PARD3: variants seen among roughly 807,000 people sequenced by gnomAD.
PARD3 encodes the protein par-3 family cell polarity regulator.
PARD3 carries 75 observed loss-of-function variants against 155.4 expected under a neutral mutation model. The observed-to-expected ratio is 0.48, with a 90% confidence interval of 0.40 to 0.58. The LOEUF is 0.58. Ranked by LOEUF, PARD3 falls within the 20% of genes least tolerant of loss-of-function variation. The probability of loss-of-function intolerance (pLI) is 0.00; values close to 1 mark genes in which losing one functional copy is unlikely to be tolerated. For missense variants in PARD3, 1,642 were observed against 1,721.7 expected, an observed-to-expected ratio of 0.95 and a Z score of 0.82; for synonymous variants, 576 against 610.5, an observed-to-expected ratio of 0.94 and a Z score of 0.83.
At chr10:34,229,637 A>T (rs1952810183) in intron 22 of PARD3, among the ~76,000 whole-genome samples, 1 of 148,234 alleles carries the variant, frequency 6.7e-6, no homozygotes, top group Non-Finnish European at 1.5e-5. Context: ...ACGTCCCATC[A>T]TAATTCTTCT....
intron 2 of PARD3, among the ~76,000 whole-genome samples, chr10:34,553,060 T>A (rs948181598): frequency 3.9e-5 from 6 of 152,174 alleles, no homozygotes; most frequent in Non-Finnish European, 8.8e-5. Context: ...ACTATGTGAT[T>A]GTACTTAAGG....
chr10:34,555,485 TC>T, intron 2 of PARD3, among the ~76,000 whole-genome samples: 1 of 152,262 alleles, frequency 6.6e-6, no homozygotes, highest in South Asian at 2.1e-4. Flanking sequence ...AAATTTTATA[TC>T]ATAAATAATT....
intron 2 of PARD3, among the ~76,000 whole-genome samples, chr10:34,542,639 T>C (rs145884937): frequency 1.3e-5 from 2 of 152,318 alleles, no homozygotes; most frequent in African/African-American, 4.8e-5. Context: ...AATCTGATAA[T>C]ATTTACAAAG....
intron 22 of PARD3, among the ~76,000 whole-genome samples, chr10:34,211,705 T>TGC (rs1276275463): frequency 6.6e-6 from 1 of 151,670 alleles, no homozygotes; most frequent in African/African-American, 2.4e-5. Context: ...GCTTGAACCC[T>TGC]GGAGGCGGAG....
At chr10:34,616,873 T>C (rs2091289129) in intron 2 of PARD3, among the ~76,000 whole-genome samples, 1 of 144,884 alleles carries the variant, frequency 6.9e-6, no homozygotes, top group African/African-American at 2.6e-5. Flanking sequence ...AGGTGGAGGC[T>C]GCAATGAACC....
intron 3 of PARD3, among the ~76,000 whole-genome samples, chr10:34,479,378 G>A (rs999842276): frequency 6.6e-6 from 1 of 151,852 alleles, no homozygotes; most frequent in African/African-American, 2.4e-5. Flanking sequence ...AGCCAGAATG[G>A]ACTCTATCTC....
intron 20 of PARD3, among the ~76,000 whole-genome samples, chr10:34,296,383 ACCACAC>A (rs991289081): frequency 1.3e-5 from 2 of 152,010 alleles, no homozygotes; most frequent in African/African-American, 4.8e-5. Flanking sequence ...GGCACGTACC[ACCACAC>A]CCAGTTAATT....
chr10:34,756,841 C>T (rs1253107440), intron 1 of PARD3, among the ~76,000 whole-genome samples: 1 of 152,206 alleles, frequency 6.6e-6, no homozygotes, highest in Non-Finnish European at 1.5e-5. Context: ...GGTGAACAGG[C>T]TGAAAAGACA....
intron 20 of PARD3, among the ~76,000 whole-genome samples, chr10:34,316,200 T>G (rs1178705720): frequency 2.0e-5 from 3 of 152,260 alleles, no homozygotes; most frequent in African/African-American, 7.2e-5. Flanking sequence ...CTGTATGTTT[T>G]CAATTTTAAA....
chr10:34,631,424 T>A (rs955242709), intron 2 of PARD3, among the ~76,000 whole-genome samples: 1 of 152,110 alleles, frequency 6.6e-6, no homozygotes, highest in Non-Finnish European at 1.5e-5. Context: ...GAGGGGGCAG[T>A]GATTAAGAGG....
intron 2 of PARD3, among the ~76,000 whole-genome samples, chr10:34,664,667 G>C (rs1015176683): frequency 2.6e-5 from 4 of 152,042 alleles, no homozygotes; most frequent in Admixed American, 1.3e-4. Context: ...TGTATTTTTA[G>C]TAGAGACAGG....
chr10:34,282,302 A>G (rs538263878), intron 21 of PARD3, among the ~76,000 whole-genome samples: 1 of 152,260 alleles, frequency 6.6e-6, no homozygotes, highest in South Asian at 2.1e-4. Flanking sequence ...ACCCTGAAAG[A>G]TTTTTATTTT....
chr10:34,726,839 CTT>C (rs2094723639), intron 1 of PARD3, among the ~76,000 whole-genome samples: 1 of 152,132 alleles, frequency 6.6e-6, no homozygotes, highest in African/African-American at 2.4e-5. Flanking sequence ...AGCATTACAT[CTT>C]TATACTTTCT....
At chr10:34,377,704 A>T (rs939491649) in intron 10 of PARD3, among the ~76,000 whole-genome samples, 1 of 152,168 alleles carries the variant, frequency 6.6e-6, no homozygotes. Flanking sequence ...AGGCAAGAGG[A>T]TCGCCTGAGG....
chr10:34,279,834 T>C (rs1660611), intron 21 of PARD3, among the ~76,000 whole-genome samples: 83,615 of 151,944 alleles, frequency 0.55, 23,660 homozygotes, highest in African/African-American at 0.69. Context: ...GATTAGAACA[T>C]TGAATAATGG....
intron 2 of PARD3, among the ~76,000 whole-genome samples, chr10:34,694,271 G>A (rs964025397): frequency 3.9e-5 from 6 of 152,042 alleles, no homozygotes; most frequent in African/African-American, 1.4e-4. Context: ...AAGAGCACCT[G>A]TTTAAATTCT....
rs919752042 is a variant in PARD3 at position 34,286,692 on chromosome 10, G to T, written c.3066-2447C>A. Among the ~76,000 whole-genome samples, 6 of 152,332 alleles carry T rather than the reference G, an allele frequency of 3.9e-5. No homozygotes were observed. In the South Asian group the frequency reaches 1.2e-3, roughly 32 times the overall value. ...GCAGCATCAGGGGGCAGACCACATGGATTTTGGATTTTACTGAGATGACAT... is the reference window on the plus strand; with the variant it reads ...GCAGCATCAGGGGGCAGACCACATGTATTTTGGATTTTACTGAGATGACAT... On this transcript the variant is annotated intron_variant, in intron 20 of 24. Coordinates refer to ENST00000374788, the MANE Select transcript of PARD3 (RefSeq NM_001184785.2).
chr10:34,760,235 C>T (rs1423946574), intron 1 of PARD3, among the ~76,000 whole-genome samples: 1 of 151,996 alleles, frequency 6.6e-6, no homozygotes, highest in Non-Finnish European at 1.5e-5. Flanking sequence ...TTGCCCAGGC[C>T]GGTCTCCAGC....
chr10:34,281,559 A>G lies in PARD3; in HGVS notation c.3176+2576T>C, dbSNP rs140879467. ...ATGGATGGCATTTACTCAAGACCCAACCTCACAGTGTTGGTAGCAAGTGAC... is the reference window on the plus strand; with the variant it reads ...ATGGATGGCATTTACTCAAGACCCAGCCTCACAGTGTTGGTAGCAAGTGAC... On this transcript the variant is annotated intron_variant, in intron 21 of 24. Transcript: ENST00000374788. 2.4e-3 allele frequency among the ~76,000 whole-genome samples: 364 copies of G among 152,158 alleles called. 6 individuals carry two copies. The highest frequency in any genetic ancestry group is 8.3e-3 in the African/African-American group (345 of 41,506).
Sources: gnomAD v4.1 joint callset for allele counts (sites outside exome capture counted in the v4.1 genomes callset) on GRCh38, gnomAD v4.1.1 for gene constraint, MANE v1.5 for transcripts, NCBI Gene and HGNC (gene_info 2026-07-23, HGNC 2026-07-21) for gene names.